The following TNKS variants were observed in gnomAD, a reference collection of about 807,000 sequenced individuals.
TNKS encodes poly [ADP-ribose] polymerase tankyrase-1.
TNKS carries 72 observed loss-of-function variants against 135.8 expected under a neutral mutation model. That is an observed-to-expected ratio of 0.53 (90% CI 0.44 to 0.64). TNKS has a LOEUF of 0.64. Among genes scored for constraint, TNKS ranks in the 30% least tolerant of loss-of-function variants. TNKS has a pLI of 0.00. For missense variants in TNKS, 1,769 were observed against 1,674.0 expected (o/e 1.06, Z -0.99); for synonymous variants, 849 against 649.3 (o/e 1.31, Z -4.68).
Position 9,776,795 on chromosome 8 carries a change from T to C in TNKS, c.*59T>C, listed in dbSNP as rs776795547. The C allele has an allele frequency of 1.3e-6, 2 of 1,497,550 alleles. No homozygotes were observed. Among genetic ancestry groups the C allele is most frequent in the Non-Finnish European group, 1.9e-6 (2 of 1,076,934 alleles). 92.8% of individuals were successfully genotyped at this position (1,497,550 alleles called of 1,614,324 possible). A position where few individuals can be genotyped will look rare whatever the true frequency, so the allele number is the denominator to read the frequency against. On this transcript the variant is annotated 3_prime_UTR_variant, in exon 27 of 27. Coordinates refer to ENST00000310430, the MANE Select transcript of TNKS (RefSeq NM_003747.3). ...CAACCTGGGACTGGATTACAGAGGATTGTTTCTAATAACAACATCAATATT... is the reference window on the plus strand; with the variant it reads ...CAACCTGGGACTGGATTACAGAGGACTGTTTCTAATAACAACATCAATATT...
intron 3 of TNKS, among the ~76,000 whole-genome samples, chr8:9,665,959 T>G (rs1471519633): frequency 6.6e-6 from 1 of 152,160 alleles, no homozygotes; most frequent in Non-Finnish European, 1.5e-5. Flanking sequence ...TTCTCTCTTC[T>G]TCCTCCCCTC....
intron 1 of TNKS, among the ~76,000 whole-genome samples, chr8:9,568,644 C>A (rs1357584447): frequency 6.6e-6 from 1 of 152,110 alleles, no homozygotes; most frequent in Non-Finnish European, 1.5e-5. Flanking sequence ...TAATGTCTGG[C>A]TTAAAAAGAG....
chr8:9,621,092 A>G (rs528462296), intron 3 of TNKS, among the ~76,000 whole-genome samples: 15 of 152,374 alleles, frequency 9.8e-5, no homozygotes, highest in Non-Finnish European at 2.1e-4. Flanking sequence ...CTTCCTAAAA[A>G]TAGTTTTGAA....
chr8:9,585,806 A>G (rs933996950), intron 2 of TNKS, among the ~76,000 whole-genome samples: 15 of 152,204 alleles, frequency 9.9e-5, no homozygotes, highest in African/African-American at 3.4e-4. Context: ...TCCTCACTGA[A>G]TATCTTTCTT....
chr8:9,771,470 A>G (rs1177676455), intron 26 of TNKS, among the ~76,000 whole-genome samples: 7 of 122,702 alleles, frequency 5.7e-5, no homozygotes, highest in Non-Finnish European at 1.0e-4. Flanking sequence ...AGGGAGGGAG[A>G]GAAGAAGGAA....
At chr8:9,733,472 T>C (rs773166775) in intron 15 of TNKS, 28 bp downstream of exon 15, 10 of 1,568,950 alleles carry the variant, frequency 6.4e-6, no homozygotes, top group Non-Finnish European at 8.7e-6. Context: ...TTATGAAATA[T>C]AACTAATTTT....
At chr8:9,718,131 C>G (rs1451785394) in intron 11 of TNKS, among the ~76,000 whole-genome samples, 2 of 152,070 alleles carry the variant, frequency 1.3e-5, no homozygotes, top group Non-Finnish European at 2.9e-5. Flanking sequence ...GAGAACCTAT[C>G]ATTTGTTCTT....
intron 1 of TNKS, among the ~76,000 whole-genome samples, chr8:9,574,224 A>G (rs1297366787): frequency 6.6e-6 from 1 of 152,224 alleles, no homozygotes; most frequent in Admixed American, 6.5e-5. Context: ...AAATTTATAC[A>G]TTATATTACT....
At chr8:9,558,387 G>A (rs919986179) in intron 1 of TNKS, 7 of 152,092 alleles carry the variant, frequency 4.6e-5, no homozygotes, top group African/African-American at 1.7e-4. Context: ...TGTTTTAGAT[G>A]AAATAGCATT....
At position 9,591,627 on chromosome 8, in the gene TNKS, T is replaced by G. The variant is rs536107240; in HGVS notation, c.898+11244T>G. ...ATTTTTATTTTTTGCTGTTACTGATTTTTGAGAATTCTTTTTGTGCTGTAA... is the reference window on the plus strand; with the variant it reads ...ATTTTTATTTTTTGCTGTTACTGATGTTTGAGAATTCTTTTTGTGCTGTAA... On this transcript the variant is annotated intron_variant, in intron 2 of 26. Coordinates refer to ENST00000310430, the MANE Select transcript of TNKS (RefSeq NM_003747.3). Among the ~76,000 whole-genome samples, 6 of 152,310 alleles carry G rather than the reference T, an allele frequency of 3.9e-5. No individual in the cohort carries two copies. In the East Asian group the frequency reaches 1.2e-3, roughly 29 times the overall value.
chr8:9,723,878 A>C (rs554488646), intron 12 of TNKS, among the ~76,000 whole-genome samples: 4 of 152,004 alleles, frequency 2.6e-5, no homozygotes, highest in Non-Finnish European at 5.9e-5. Flanking sequence ...AGTGTGGGAT[A>C]AGCATTACTT....
chr8:9,701,439 T>C (rs1344379609), intron 5 of TNKS, among the ~76,000 whole-genome samples: 1 of 152,210 alleles, frequency 6.6e-6, no homozygotes, highest in African/African-American at 2.4e-5. Context: ...ATATTAGCTA[T>C]GTGCTATACT....
At chr8:9,599,028 G>A (rs1220956360) in intron 2 of TNKS, among the ~76,000 whole-genome samples, 1 of 151,592 alleles carries the variant, frequency 6.6e-6, no homozygotes, top group Admixed American at 6.6e-5. Context: ...CCTTAGAGTT[G>A]TGCAAGCTTT....
intron 3 of TNKS, among the ~76,000 whole-genome samples, chr8:9,645,109 C>G (rs1332628632): frequency 1.3e-5 from 2 of 152,164 alleles, no homozygotes; most frequent in Non-Finnish European, 1.5e-5. Flanking sequence ...TGTCACAAGA[C>G]AGGCGTAAGT....
chr8:9,736,473 G>C (rs1352561238), intron 17 of TNKS, among the ~76,000 whole-genome samples: 1 of 151,920 alleles, frequency 6.6e-6, no homozygotes, highest in Non-Finnish European at 1.5e-5. Context: ...TGAAGTCCTT[G>C]CCCACGCCTA....
At position 9,765,754 on chromosome 8, in the gene TNKS, T is replaced by C. The variant is rs1274749662; in HGVS notation, c.3510T>C (p.Ser1170=). 6 of 1,613,860 alleles carry C rather than the reference T, an allele frequency of 3.7e-6. No homozygotes were observed. ...ERFCHRQKEV[S]EENHNHHNER... ...TCTGCCACCGACAGAAGGAAGTGTC[T>C]GAGGAGAATCACAACCATCACAATG... is the stretch of plus-strand genomic sequence containing the variant. The change falls in exon 24 of 27, where the codon TCT becomes TCC. Residue 1170 remains serine, a synonymous_variant. Coordinates refer to ENST00000310430, the MANE Select transcript of TNKS (RefSeq NM_003747.3).
chr8:9,698,253 C>T (rs1465069987), intron 5 of TNKS, among the ~76,000 whole-genome samples: 2 of 151,538 alleles, frequency 1.3e-5, no homozygotes, highest in East Asian at 1.9e-4. Flanking sequence ...ACTACTAGAG[C>T]GGGCAGCACA....
intron 2 of TNKS, among the ~76,000 whole-genome samples, chr8:9,589,096 G>T (rs1167362135): frequency 6.6e-6 from 1 of 152,128 alleles, no homozygotes; most frequent in Non-Finnish European, 1.5e-5. Flanking sequence ...TGCTCCCACT[G>T]AACCTATTGA....
chr8:9,581,953 C>G, intron 2 of TNKS, among the ~76,000 whole-genome samples: 1 of 152,144 alleles, frequency 6.6e-6, no homozygotes, highest in Non-Finnish European at 1.5e-5. Flanking sequence ...TCTACTTCCT[C>G]AGTTCACAGT....
Sources: allele counts gnomAD v4.1 joint callset (sites outside exome capture counted in the v4.1 genomes callset), GRCh38; gene constraint gnomAD v4.1.1; transcripts MANE v1.5; gene names NCBI Gene and HGNC (gene_info 2026-07-23, HGNC 2026-07-21).